Variants in DDX60 observed in about 807,000 individuals in gnomAD.
The protein encoded by DDX60 is probable ATP-dependent RNA helicase DDX60.
DDX60 carries 165 observed loss-of-function variants against 212.8 expected under a neutral mutation model. That is an observed-to-expected ratio of 0.78 (90% confidence interval 0.68 to 0.88). The LOEUF (loss-of-function observed/expected upper bound fraction) is 0.88. Among genes scored for constraint, DDX60 ranks in the 40% least tolerant of loss-of-function variants. The pLI, the probability that DDX60 is intolerant of heterozygous loss-of-function variation, is 0.00. For missense variants in DDX60, 1,905 were observed against 2,003.9 expected, an observed-to-expected ratio of 0.95 and a Z score of 0.94; for synonymous variants, 703 against 685.3, an observed-to-expected ratio of 1.03 and a Z score of -0.40.
rs558307685 is a variant in DDX60, at chr4:168,252,173, C to T, written c.3705+336G>A. Reference sequence around the variant, plus strand: ...GAAACAATGTAATAGAAACAAATAACGAAACGGCAAACATTTTCAGAGGTG... The same window carrying T: ...GAAACAATGTAATAGAAACAAATAATGAAACGGCAAACATTTTCAGAGGTG... On this transcript the variant is annotated intron_variant, in intron 27 of 37. Coordinates refer to ENST00000393743, the MANE Select transcript of DDX60 (RefSeq NM_017631.6). Among the ~76,000 whole-genome samples the T allele has an allele frequency of 8.5e-5, 13 of 152,264 alleles. 1 individual carries two copies. Among genetic ancestry groups the T allele is most frequent in the South Asian group, 6.2e-4 (3 of 4,820 alleles).
At chr4:168,298,126 C>T (rs2149542221) in intron 6 of DDX60, among the ~76,000 whole-genome samples, 1 of 151,462 alleles carries the variant, frequency 6.6e-6, no homozygotes, top group Admixed American at 6.6e-5. Flanking sequence ...AACGTAATTA[C>T]CATAACGAAA....
chr4:168,237,834 G>A (rs889946124), intron 30 of DDX60, 39 bp from the exon 31 acceptor site: 8 of 1,441,078 alleles, frequency 5.6e-6, no homozygotes, highest in South Asian at 1.3e-5. Flanking sequence ...ACAATGTTAA[G>A]TGTTACGAAA....
intron 27 of DDX60, 73 bp downstream of exon 27, chr4:168,252,436 C>CATA (rs1734254170): frequency 1.9e-6 from 3 of 1,545,278 alleles, no homozygotes; most frequent in Non-Finnish European, 2.7e-6. Context: ...TCTTATTAAG[C>CATA]ATTATCTACA....
chr4:168,283,574 C>G lies in DDX60; in HGVS notation c.1594G>C (p.Val532Leu), dbSNP rs756434568. The change falls in exon 13 of 38, where the codon GTG becomes CTG. Residue 532 changes from valine (V) to leucine (L), a missense_variant. Coordinates refer to ENST00000393743, the MANE Select transcript of DDX60 (RefSeq NM_017631.6). ...KSRDPRVLRS[V>L]QKYHVFQRFY... ...CGTTGGAAAACATGATACTTTTGCA[C>G]AGATCTAAGAACACGAGGGTCTCTA... The G allele has an allele frequency of 1.9e-6, 3 of 1,612,988 alleles. No individual in the cohort carries two copies. Among genetic ancestry groups the G allele is most frequent in the Non-Finnish European group, 2.5e-6 (3 of 1,179,454 alleles).
At chr4:168,292,899 A>C (rs1736171991) in intron 7 of DDX60, among the ~76,000 whole-genome samples, 2 of 152,234 alleles carry the variant, frequency 1.3e-5, no homozygotes, top group African/African-American at 4.8e-5. Context: ...CTAGTTATGA[A>C]GAAATGTTTC....
At position 168,283,427 on chromosome 4, in the gene DDX60, T is replaced by A. The variant is rs1217099433; in HGVS notation, c.1722+19A>T. 1.9e-6 allele frequency: 3 copies of A among 1,604,762 alleles called. No individual in the cohort carries two copies. Among genetic ancestry groups the A allele is most frequent in the Non-Finnish European group, 2.5e-6 (3 of 1,177,468 alleles). ...GAAAAGGAAAATTTTTTTAATTGGA[T>A]AGAATTTATAGAACCTACGTGTGCC... On this transcript the variant is annotated intron_variant, in intron 13 of 37. Coordinates refer to ENST00000393743, the MANE Select transcript of DDX60 (RefSeq NM_017631.6).
At chr4:168,321,270 G>A (rs1364245029), upstream of DDX60, among the ~76,000 whole-genome samples, 1 of 151,810 alleles carries the variant, frequency 6.6e-6, no homozygotes, top group Non-Finnish European at 1.5e-5. Flanking sequence ...TTTAACCTCT[G>A]AGGACTCCCA....
chr4:168,276,022 G>A lies in DDX60; in HGVS notation c.2138C>T (p.Pro713Leu), dbSNP rs1735319889. 1 of 1,610,202 alleles carries A rather than the reference G, an allele frequency of 6.2e-7. No individual in the cohort carries two copies. Among genetic ancestry groups the A allele is most frequent in the South Asian group, 1.1e-5 (1 of 90,472 alleles). The stretch of plus-strand genomic sequence containing the variant: ...CTATTCTGATAATATTACCTGGGCT[G>A]GATGTAAAGAACTTGCCAACTCATC... ...GFDELASSLH[P>L]AQDAENDVKV... Residue 713 changes from proline (P) to leucine (L), a missense_variant, in exon 15 of 38, where the codon CCA becomes CTA. Physicochemically the swap from Pro to Leu is moderately conservative, Grantham distance 98. Transcript: ENST00000393743.
At chr4:168,217,475 GACA>G (rs1405178806) in intron 37 of DDX60, among the ~76,000 whole-genome samples, 1 of 152,108 alleles carries the variant, frequency 6.6e-6, no homozygotes, top group Non-Finnish European at 1.5e-5. Flanking sequence ...AAAAGATAAG[GACA>G]ACAAGATATG....
Position 168,293,690 on chromosome 4 carries a change from C to T in DDX60, c.882+97G>A, listed in dbSNP as rs1012705073. Reference sequence around the variant, plus strand: ...GAAGTTTATATAAATAAGAGAAAAACATGAAGTACCAAATAGAGGAAATGA... The same window carrying T: ...GAAGTTTATATAAATAAGAGAAAAATATGAAGTACCAAATAGAGGAAATGA... On this transcript the variant is annotated intron_variant, in intron 7 of 37. Coordinates refer to ENST00000393743, the MANE Select transcript of DDX60 (RefSeq NM_017631.6). 5 of 1,056,870 alleles carry T rather than the reference C, an allele frequency of 4.7e-6. No homozygotes were observed. The African/African-American group carries it at 4.8e-5, about 10-fold the overall frequency. The allele number at this position is 1,056,870 out of a possible 1,614,324, so 65.5% of individuals were successfully genotyped here.
intron 30 of DDX60, among the ~76,000 whole-genome samples, chr4:168,243,654 G>A (rs1320772146): frequency 6.6e-6 from 1 of 152,222 alleles, no homozygotes; most frequent in Non-Finnish European, 1.5e-5. Flanking sequence ...CACTGTTGCT[G>A]GGAGTGTAAA....
chr4:168,220,513 C>A, intron 37 of DDX60, 142 bp downstream of exon 37: 1 of 542,898 alleles, frequency 1.8e-6, no homozygotes, highest in Non-Finnish European at 3.3e-6. Flanking sequence ...TTCTGCAGAG[C>A]CTTTGGGGAG....
intron 25 of DDX60, among the ~76,000 whole-genome samples, chr4:168,260,443 T>C (rs965209060): frequency 6.6e-6 from 1 of 152,192 alleles, no homozygotes; most frequent in African/African-American, 2.4e-5. Context: ...TAGGGAACTT[T>C]GTATAACACC....
rs200256144 is a variant in DDX60 at position 168,261,987 on chromosome 4, G to A, written c.3273+13C>T. The A allele has an allele frequency of 1.6e-4, 245 of 1,580,320 alleles. 2 individuals are homozygous for A. Among genetic ancestry groups the A allele is most frequent in the Middle Eastern group, 3.3e-4 (2 of 5,986 alleles). On this transcript the variant is annotated intron_variant, in intron 24 of 37. Transcript: ENST00000393743. ...CAAAAATAAAGTTTGGCCAAAAAGC[G>A]TATGAAAATTACCTGCTCTACGTTG... is the stretch of plus-strand genomic sequence containing the variant.
intron 22 of DDX60, among the ~76,000 whole-genome samples, chr4:168,264,466 T>C (rs1398236096): frequency 6.6e-6 from 1 of 152,210 alleles, no homozygotes; most frequent in Non-Finnish European, 1.5e-5. Flanking sequence ...GGTTACTTAT[T>C]CGACCTATCT....
At position 168,267,229 on chromosome 4, in the gene DDX60, G is replaced by A. The variant is rs2042629249; in HGVS notation, c.3039+353C>T. Reference sequence around the variant, plus strand: ...TACTAGGGATTGTCTACATATAATTGTATGGCTGCACTATGAGAAGAATTA... The same window carrying A: ...TACTAGGGATTGTCTACATATAATTATATGGCTGCACTATGAGAAGAATTA... On this transcript the variant is annotated intron_variant, in intron 22 of 37. Transcript: ENST00000393743. Among the ~76,000 whole-genome samples the A allele has an allele frequency of 3.3e-5, 5 of 152,204 alleles. 1 individual carries two copies. In the South Asian group the frequency reaches 1.0e-3, roughly 32 times the overall value.
At chr4:168,225,393 A>G in intron 34 of DDX60, 136 bp downstream of exon 34, 1 of 933,436 alleles carries the variant, frequency 1.1e-6, no homozygotes, top group South Asian at 2.0e-5. Flanking sequence ...TTTTTTCTTT[A>G]GAAAGGAAAA....
intron 35 of DDX60, 80 bp from the exon 36 acceptor site, chr4:168,221,961 A>G (rs776581519): frequency 1.3e-5 from 18 of 1,419,044 alleles, no homozygotes; most frequent in Non-Finnish European, 1.7e-5. Context: ...CTTTGTAGAT[A>G]CATCCTTTAG....
chr4:168,252,174 G>C (rs900465793), intron 27 of DDX60, among the ~76,000 whole-genome samples: 1 of 152,174 alleles, frequency 6.6e-6, no homozygotes, highest in Non-Finnish European at 1.5e-5. Context: ...AACAAATAAC[G>C]AAACGGCAAA....
Sources: allele counts gnomAD v4.1 joint callset (sites outside exome capture counted in the v4.1 genomes callset), GRCh38; gene constraint gnomAD v4.1.1; transcripts MANE v1.5; gene names NCBI Gene and HGNC (gene_info 2026-07-23, HGNC 2026-07-21).